Variants in ADGRV1 observed in about 807,000 individuals in gnomAD.
The protein encoded by ADGRV1 is adhesion G protein-coupled receptor V1.
ADGRV1 carries 359 observed loss-of-function variants against 596.2 expected under a neutral mutation model. That is an observed-to-expected ratio of 0.60 (90% CI 0.55 to 0.66). The LOEUF (loss-of-function observed/expected upper bound fraction) is 0.66. Among genes scored for constraint, ADGRV1 ranks in the 30% least tolerant of loss-of-function variants. ADGRV1 has a pLI of 0.00. For synonymous variants in ADGRV1, 2,681 were observed against 2,679.2 expected, an observed-to-expected ratio of 1.00 and a Z score of -0.02; for missense variants, 7,274 against 7,575.6, an observed-to-expected ratio of 0.96 and a Z score of 1.48.
At chr5:90,685,639 T>TAAATAAATAAAA (rs1179187076) in intron 28 of ADGRV1, 141 bp from the exon 29 acceptor site, 134 of 259,284 alleles carry the variant, frequency 5.2e-4, no homozygotes, top group African/African-American at 2.9e-3. Context: ...AATAAATAAA[T>TAAATAAATAAAA]AAAATAAATA....
intron 85 of ADGRV1, among the ~76,000 whole-genome samples, chr5:90,991,253 C>G (rs1780935044): frequency 6.6e-6 from 1 of 152,090 alleles, no homozygotes. Context: ...TCTAAAATGC[C>G]TGCTTTGTTT....
chr5:90,907,582 CA>C lies in ADGRV1; in HGVS notation c.17856+43728del, dbSNP rs551461665. On this transcript the variant is annotated intron_variant, in intron 83 of 89. Transcript: ENST00000405460. ...CTTTTTCCTTGTGGATTCCGCAATC[CA>C]AATTTTGCCCTTCTGCCAACTGTGA... Among the ~76,000 whole-genome samples, 34 of 152,138 alleles carry C rather than the reference CA, an allele frequency of 2.2e-4. No individual in the cohort carries two copies. The East Asian group carries it at 3.9e-3, about 17-fold the overall frequency.
chr5:90,642,940 G>C lies in ADGRV1; in HGVS notation c.2452G>C (p.Asp818His). 6.2e-7 allele frequency: 1 copy of C among 1,613,520 alleles called. No homozygotes were observed. The highest frequency in any genetic ancestry group is 1.7e-4 in the Middle Eastern group (1 of 6,060). Reference protein sequence around the residue: ...QFLHYRVEPRDSNEFYGNTGV... With the variant: ...QFLHYRVEPRHSNEFYGNTGV... ...TCTACACTACCGAGTAGAGCCAAGAGATAGCAATGAATTCTATGGAAACAC... is the reference window on the plus strand; with the variant it reads ...TCTACACTACCGAGTAGAGCCAAGACATAGCAATGAATTCTATGGAAACAC... Residue 818 changes from aspartate (D) to histidine (H), a missense_variant, in exon 13 of 90, where the codon GAT (aspartate) becomes CAT (histidine). Around this residue, in one of 5 missense-constraint regions of ADGRV1, gnomAD observed 1,715 missense variants for 1,708.8 expected, o/e 1.00. Transcript: ENST00000405460.
At chr5:90,938,641 G>A (rs938556335) in intron 83 of ADGRV1, among the ~76,000 whole-genome samples, 2 of 152,118 alleles carry the variant, frequency 1.3e-5, no homozygotes, top group African/African-American at 2.4e-5. Context: ...TATATGCCAG[G>A]CACTGCTCTA....
chr5:90,723,008 T>G (rs529710257), intron 45 of ADGRV1, among the ~76,000 whole-genome samples: 1 of 152,022 alleles, frequency 6.6e-6, no homozygotes, highest in African/African-American at 2.4e-5. Flanking sequence ...GAAGAGTGCT[T>G]TAAAATGGAG....
At chr5:90,850,169 C>T (rs1258301608) in intron 79 of ADGRV1, among the ~76,000 whole-genome samples, 1 of 152,198 alleles carries the variant, frequency 6.6e-6, no homozygotes, top group Non-Finnish European at 1.5e-5. Context: ...GCAAAATCTG[C>T]CCCCTCCAGC....
At position 90,706,378 on chromosome 5, in the gene ADGRV1, A is replaced by G. The variant is rs753070112; in HGVS notation, c.8714A>G (p.Asn2905Ser). The G allele has an allele frequency of 1.3e-6, 2 of 1,599,556 alleles. No individual in the cohort carries two copies. Among genetic ancestry groups the G allele is most frequent in the East Asian group, 2.2e-5 (1 of 44,636 alleles). The change falls in exon 38 of 90, where the codon AAC (asparagine) becomes AGC (serine). Residue 2905 changes from asparagine to serine, a missense_variant. Coordinates refer to ENST00000405460, the MANE Select transcript of ADGRV1 (RefSeq NM_032119.4). ...LEEGETAAAI[N>S]ITILEDDVPE... Reference sequence around the variant, plus strand: ...GAAGGGGAAACAGCAGCAGCCATCAACATTACCATTCTTGAGGTAAAACTC... The same window carrying G: ...GAAGGGGAAACAGCAGCAGCCATCAGCATTACCATTCTTGAGGTAAAACTC...
intron 74 of ADGRV1, among the ~76,000 whole-genome samples, chr5:90,815,264 C>G (rs1762786859): frequency 6.6e-6 from 1 of 152,072 alleles, no homozygotes; most frequent in South Asian, 2.1e-4. Flanking sequence ...AGTTGATGCT[C>G]TAGTAGGGCT....
At chr5:90,979,112 T>C (rs992550496) in intron 84 of ADGRV1, among the ~76,000 whole-genome samples, 4 of 151,692 alleles carry the variant, frequency 2.6e-5, no homozygotes, top group Admixed American at 6.6e-5. Context: ...TGAAAAAAAA[T>C]GAGAACAGGA....
chr5:90,844,836 T>A (rs550293327), intron 78 of ADGRV1, among the ~76,000 whole-genome samples: 1 of 152,336 alleles, frequency 6.6e-6, no homozygotes, highest in African/African-American at 2.4e-5. Context: ...GATTCAGGTC[T>A]TCTACTTGTT....
At chr5:90,727,313 A>G (rs1435624146) in intron 48 of ADGRV1, among the ~76,000 whole-genome samples, 1 of 151,318 alleles carries the variant, frequency 6.6e-6, no homozygotes, top group Non-Finnish European at 1.5e-5. Context: ...TCTTGAACTT[A>G]CTCCTTTTTA....
At chr5:90,820,161 C>T (rs1763331683) in intron 75 of ADGRV1, among the ~76,000 whole-genome samples, 1 of 150,092 alleles carries the variant, frequency 6.7e-6, no homozygotes, top group Non-Finnish European at 1.5e-5. Context: ...ATCCCTTTAC[C>T]ATTATGTAAT....
intron 87 of ADGRV1, among the ~76,000 whole-genome samples, chr5:91,145,989 G>C (rs1465387010): frequency 6.6e-6 from 1 of 152,160 alleles, no homozygotes; most frequent in Non-Finnish European, 1.5e-5. Context: ...ACAGAGGTAA[G>C]TTTCAGGCCC....
intron 75 of ADGRV1, among the ~76,000 whole-genome samples, chr5:90,818,755 G>A (rs1047019085): frequency 2.6e-5 from 4 of 151,444 alleles, no homozygotes; most frequent in African/African-American, 9.7e-5. Flanking sequence ...TTGCATCCCA[G>A]GGATGAAGCC....
chr5:90,882,665 G>C (rs1769909797), intron 83 of ADGRV1, among the ~76,000 whole-genome samples: 1 of 152,130 alleles, frequency 6.6e-6, no homozygotes, highest in South Asian at 2.1e-4. Context: ...ATAAAGTGCT[G>C]AGTTTGCATT....
rs1271082216 is a variant in ADGRV1, at chr5:90,755,036, G to T, written c.11431G>T (p.Asp3811Tyr). Reference sequence around the variant, plus strand: ...AGCTCGAGATAAAGGACTACTTGGGGATATTGCCATTCACTTGAGAGCTCA... The same window carrying T: ...AGCTCGAGATAAAGGACTACTTGGGTATATTGCCATTCACTTGAGAGCTCA... ...QIARDKGLLGDIAIHLRAQPN... is the reference protein window; with the variant it reads ...QIARDKGLLGYIAIHLRAQPN... Residue 3811 changes from aspartate to tyrosine, a missense_variant, in exon 55 of 90, where the codon GAT becomes TAT. Physicochemically the swap from Asp to Tyr is radical, Grantham distance 160. Transcript: ENST00000405460. 16 of 1,613,276 alleles carry T rather than the reference G, an allele frequency of 9.9e-6. No individual in the cohort carries two copies. The highest frequency in any genetic ancestry group is 1.3e-5 in the Non-Finnish European group (15 of 1,179,430).
At position 91,153,266 on chromosome 5, in the gene ADGRV1, G is replaced by T; in HGVS notation, c.18670G>T (p.Ala6224Ser). 1 of 1,608,882 alleles carries T rather than the reference G, an allele frequency of 6.2e-7. No homozygotes were observed. The highest frequency in any genetic ancestry group is 8.5e-7 in the Non-Finnish European group (1 of 1,177,622). The part of the protein sequence containing the change: ...ERASFQQGSQ[A>S]SPDLKPSPQN... ...AGCATCCTTCCAACAGGGCAGTCAG[G>T]CCAGCCCTGATTTAAAGCCAAGTCC... Residue 6224 changes from alanine (A) to serine (S), a missense_variant, in exon 89 of 90, where the codon GCC becomes TCC. Coordinates refer to ENST00000405460, the MANE Select transcript of ADGRV1 (RefSeq NM_032119.4).
intron 83 of ADGRV1, among the ~76,000 whole-genome samples, chr5:90,914,109 C>T (rs774881688): frequency 6.6e-6 from 1 of 152,090 alleles, no homozygotes; most frequent in African/African-American, 2.4e-5. Flanking sequence ...TGCTTGGGAC[C>T]AGAAATATTT....
At chr5:90,746,434 CTTAAT>C (rs1414944101) in intron 52 of ADGRV1, among the ~76,000 whole-genome samples, 7 of 152,110 alleles carry the variant, frequency 4.6e-5, no homozygotes, top group African/African-American at 1.7e-4. Flanking sequence ...ATTCTTACTT[CTTAAT>C]TTGAGTTATA....
Sources: gnomAD v4.1 joint callset for allele counts (sites outside exome capture counted in the v4.1 genomes callset) on GRCh38, gnomAD v4.1.1 for gene constraint, gnomAD v4.1.1 regional missense constraint, MANE v1.5 for transcripts, NCBI Gene and HGNC (gene_info 2026-07-23, HGNC 2026-07-21) for gene names.